Variants in COG8 observed in about 807,000 individuals in gnomAD.
The protein encoded by COG8 is conserved oligomeric Golgi complex subunit 8.
In COG8, 45 loss-of-function variants were observed where a neutral mutation model predicts 46.5. That is an observed-to-expected ratio of 0.97 (90% CI 0.76 to 1.24). The LOEUF (loss-of-function observed/expected upper bound fraction) is 1.24. COG8 is among the 50% of genes most tolerant of loss of function. The pLI is 0.00. For synonymous variants in COG8, 407 were observed against 347.8 expected (o/e 1.17, Z -1.90); for missense variants, 793 against 820.8 (o/e 0.97, Z 0.41).
Position 69,339,335 on chromosome 16 carries a change from G to GC in COG8, c.217dup (p.Ala73GlyfsTer14), listed in dbSNP as rs763063398. 6.2e-7 allele frequency: 1 copy of GC among 1,605,440 alleles called. No individual in the cohort carries two copies. Among genetic ancestry groups the GC allele is most frequent in the African/African-American group, 1.3e-5 (1 of 74,946 alleles). Reference sequence around the variant, plus strand: ...GTCGCGCGTCTGCTGCAGCAGCTGCGCCCGCTCCTCCGCCAGGCGCTCGGG... The same window carrying GC: ...GTCGCGCGTCTGCTGCAGCAGCTGCGCCCCGCTCCTCCGCCAGGCGCTCGGG... On this transcript the variant is annotated frameshift_variant, in exon 1 of 6. Transcript: ENST00000306875. LOFTEE classifies it high-confidence loss of function.
At chr16:69,330,065 G>A (rs373401971) in intron 5 of COG8, 36 of 1,560,344 alleles carry the variant, frequency 2.3e-5, no homozygotes, top group Non-Finnish European at 2.8e-5. Context: ...GCAGCCCTCG[G>A]GAAAGGTGAC....
chr16:69,332,685 G>A, intron 4 of COG8, 29 bp downstream of exon 4: 2 of 1,589,288 alleles, frequency 1.3e-6, no homozygotes, highest in Non-Finnish European at 1.7e-6. Context: ...ACATCAGTAA[G>A]GCAGTTTACA....
intron 1 of COG8, chr16:69,338,705 CA>C (rs1449683806): frequency 6.2e-6 from 1 of 162,134 alleles, no homozygotes; most frequent in Non-Finnish European, 1.3e-5. Flanking sequence ...ATGGAAATAA[CA>C]GGGCTGGGCG....
At chr16:69,330,358 C>T (rs1244979688) in intron 5 of COG8, 1 of 1,476,128 alleles carries the variant, frequency 6.8e-7, no homozygotes, top group Non-Finnish European at 8.9e-7. Context: ...GCACCGGGTC[C>T]CCGACTTGGC....
chr16:69,332,973 CCA>C, intron 3 of COG8, 91 bp from the exon 4 acceptor site: 1 of 1,200,620 alleles, frequency 8.3e-7, no homozygotes, highest in Admixed American at 1.7e-5. Context: ...GTATGCCCCT[CCA>C]GTTTTCCTGA....
Position 69,334,965 on chromosome 16 carries a change from G to T in COG8, c.969C>A (p.Val323=), listed in dbSNP as rs1347600284. 6.2e-7 allele frequency: 1 copy of T among 1,614,188 alleles called. No individual in the cohort carries two copies. Among genetic ancestry groups the T allele is most frequent in the Non-Finnish European group, 8.5e-7 (1 of 1,180,038 alleles). Residue 323 remains valine, a synonymous_variant, in exon 3 of 6, where the codon GTC becomes GTA. Transcript: ENST00000306875. ...TCTCCAGCACCTGCAGGAATTGTGA[G>T]ACCTTCTGTAGCACCCAGCCATGGA... is the stretch of plus-strand genomic sequence containing the variant. The part of the protein sequence containing the change: ...AIFHGWVLQK[V]SQFLQVLETD...
Position 69,335,336 on chromosome 16 carries a change from C to A in COG8, c.598G>T (p.Glu200Ter). The part of the protein sequence containing the change: ...SIPVIQGIVN[E>*]VRQSMQLMLS... ...ATCAGCTGCATGGACTGGCGCACTT[C>A]GTTCACGATGCCCTGACAATACACA... is the stretch of plus-strand genomic sequence containing the variant. Residue 200 changes from glutamate (E) to a stop codon, truncating the protein, a stop_gained, in exon 3 of 6, where the codon GAA (glutamate) becomes TAA (stop). Transcript: ENST00000306875. LOFTEE classifies it high-confidence loss of function. The A allele has an allele frequency of 6.3e-7, 1 of 1,597,818 alleles. No individual in the cohort carries two copies. Among genetic ancestry groups the A allele is most frequent in the South Asian group, 1.1e-5 (1 of 89,706 alleles).
chr16:69,339,449 A>C lies in COG8; in HGVS notation c.104T>G (p.Phe35Cys), dbSNP rs1169919334. The change falls in exon 1 of 6, where the codon TTC becomes TGC. Residue 35 changes from phenylalanine to cysteine, a missense_variant. By Grantham distance (205) the Phe-to-Cys change is radical. Coordinates refer to ENST00000306875, the MANE Select transcript of COG8 (RefSeq NM_032382.5). Reference protein sequence around the residue: ...GLLASLFRDRFPEAQWRERPD... With the variant: ...GLLASLFRDRCPEAQWRERPD... Reference sequence around the variant, plus strand: ...CCGCTCGCGCCACTGGGCCTCGGGGAAGCGGTCCCGGAACAGCGACGCCAG... The same window carrying C: ...CCGCTCGCGCCACTGGGCCTCGGGGCAGCGGTCCCGGAACAGCGACGCCAG... The C allele has an allele frequency of 6.3e-7, 1 of 1,594,666 alleles. No homozygotes were observed. Among genetic ancestry groups the C allele is most frequent in the African/African-American group, 1.3e-5 (1 of 74,540 alleles).
intron 1 of COG8, among the ~76,000 whole-genome samples, chr16:69,336,947 C>A (rs529785353): frequency 6.6e-6 from 1 of 152,252 alleles, no homozygotes; most frequent in South Asian, 2.1e-4. Flanking sequence ...TCCAGATATG[C>A]CACTTGCTGG....
At position 69,334,982 on chromosome 16, in the gene COG8, A is replaced by G. The variant is rs749229372; in HGVS notation, c.952T>C (p.Trp318Arg). ...TVNESAIFHG[W>R]VLQKVSQFLQ... ...AATTGTGAGACCTTCTGTAGCACCC[A>G]GCCATGGAAGATGGCACTCTCATTC... is the stretch of plus-strand genomic sequence containing the variant. The change falls in exon 3 of 6, where the codon TGG (tryptophan) becomes CGG (arginine). Residue 318 changes from tryptophan to arginine, a missense_variant. Transcript: ENST00000306875. The G allele has an allele frequency of 6.2e-7, 1 of 1,614,194 alleles. No homozygotes were observed. Among genetic ancestry groups the G allele is most frequent in the Non-Finnish European group, 8.5e-7 (1 of 1,180,036 alleles).
In COG8 at chr16:69,339,531, G is replaced by A. The variant is rs1276324153; in HGVS notation, c.22C>T (p.Pro8Ser). 8.1e-6 allele frequency: 13 copies of A among 1,608,464 alleles called. No homozygotes were observed. Among genetic ancestry groups the A allele is most frequent in the Non-Finnish European group, 1.1e-5 (13 of 1,179,932 alleles). Reference protein sequence around the residue: MATAATIPSVATATAAAL... With the variant: MATAATISSVATATAAAL... The stretch of plus-strand genomic sequence containing the variant: ...GCTGCTGTGGCCGTGGCTACCGATG[G>A]GATAGTCGCCGCGGTCGCCATCTTC... The change falls in exon 1 of 6, where the codon CCA becomes TCA. Residue 8 changes from proline to serine, a missense_variant. Coordinates refer to ENST00000306875, the MANE Select transcript of COG8 (RefSeq NM_032382.5).
intron 5 of COG8, 21 bp downstream of exon 5, chr16:69,330,792 C>T (rs950809983): frequency 2.0e-6 from 3 of 1,509,068 alleles, no homozygotes; most frequent in African/African-American, 2.8e-5. Context: ...CTGGCCACCC[C>T]GCGCCGGGAA....
chr16:69,329,460 C>G (rs953507889), intron 5 of COG8, among the ~76,000 whole-genome samples: 5 of 152,238 alleles, frequency 3.3e-5, no homozygotes, highest in Admixed American at 3.3e-4. Context: ...CCGAACACTC[C>G]TCCCACTTCT....
In COG8 at chr16:69,339,528, A is replaced by C; in HGVS notation, c.25T>G (p.Ser9Ala). 1 of 1,608,496 alleles carries C rather than the reference A, an allele frequency of 6.2e-7. No individual in the cohort carries two copies. The highest frequency in any genetic ancestry group is 8.5e-7 in the Non-Finnish European group (1 of 1,179,920). The change falls in exon 1 of 6, where the codon TCG (serine) becomes GCG (alanine). Residue 9 changes from serine (S) to alanine (A), a missense_variant. Coordinates refer to ENST00000306875, the MANE Select transcript of COG8 (RefSeq NM_032382.5). Reference sequence around the variant, plus strand: ...GCCGCTGCTGTGGCCGTGGCTACCGATGGGATAGTCGCCGCGGTCGCCATC... The same window carrying C: ...GCCGCTGCTGTGGCCGTGGCTACCGCTGGGATAGTCGCCGCGGTCGCCATC... Reference protein sequence around the residue: MATAATIPSVATATAAALG... With the variant: MATAATIPAVATATAAALG...
rs998131644 is a variant in COG8 at position 69,326,552 on chromosome 16, A to G, written c.*2654T>C. The G allele has an allele frequency of 1.3e-5, 2 of 152,242 alleles. No individual in the cohort carries two copies. The highest frequency in any genetic ancestry group is 2.9e-5 in the Non-Finnish European group (2 of 68,052). The allele number at this position is 152,242 out of a possible 1,614,324, so 9.4% of individuals were successfully genotyped here. A position where few individuals can be genotyped will look rare whatever the true frequency, so the allele number is the denominator to read the frequency against. ...GGGGTTAACAAAGGTTAGCATGGCT[A>G]TGGTCCATCCCTGTGCTCTAGTTAG... is the stretch of plus-strand genomic sequence containing the variant. On this transcript the variant is annotated 3_prime_UTR_variant, in exon 6 of 6. Transcript: ENST00000306875.
intron 5 of COG8, 80 bp from the exon 6 acceptor site, chr16:69,329,259 C>G: frequency 7.2e-7 from 1 of 1,396,834 alleles, no homozygotes; most frequent in African/African-American, 1.5e-5. Flanking sequence ...TGCCCCCGGT[C>G]CTGGCTGTTC....
At chr16:69,330,503 G>GCCGCC (rs2011720911) in intron 5 of COG8, 2 of 1,472,198 alleles carry the variant, frequency 1.4e-6, no homozygotes, top group Non-Finnish European at 1.8e-6. Context: ...ACCGACGGCT[G>GCCGCC]CCGCCCCGCC....
At chr16:69,332,616 A>G in intron 4 of COG8, 98 bp downstream of exon 4, 1 of 1,156,268 alleles carries the variant, frequency 8.6e-7, no homozygotes, top group Non-Finnish European at 1.3e-6. Context: ...AATTGGATTC[A>G]TATTTACTAA....
Position 69,334,551 on chromosome 16 carries a change from C to A in COG8, c.1383G>T (p.Val461=). The A allele has an allele frequency of 6.2e-7, 1 of 1,614,186 alleles. No individual in the cohort carries two copies. The highest frequency in any genetic ancestry group is 1.1e-5 in the South Asian group (1 of 91,052). Residue 461 remains valine (V), a synonymous_variant, in exon 3 of 6, where the codon GTG becomes GTT. Transcript: ENST00000306875. ...LCCPVALAQD[V]TGALEDALAK... ...CAAGGGCATCTTCCAAGGCCCCAGTCACATCCTGCGCCAGGGCCACAGGGC... is the reference window on the plus strand; with the variant it reads ...CAAGGGCATCTTCCAAGGCCCCAGTAACATCCTGCGCCAGGGCCACAGGGC...
Sources: gnomAD v4.1 joint callset for allele counts (sites outside exome capture counted in the v4.1 genomes callset) on GRCh38, gnomAD v4.1.1 for gene constraint, MANE v1.5 for transcripts, NCBI Gene and HGNC (gene_info 2026-07-23, HGNC 2026-07-21) for gene names.